Variants in PSMA1 observed in about 807,000 individuals in gnomAD.
The protein encoded by PSMA1 is proteasome 20S subunit alpha 1, also known as proteasome subunit alpha type-1.
Under a neutral mutation model 38.4 loss-of-function variants are expected in PSMA1, and 3 were observed. The ratio of observed to expected loss-of-function variants is 0.08; its 90% confidence interval spans 0.04 to 0.20. PSMA1 has a LOEUF of 0.20. Among genes scored for constraint, PSMA1 ranks in the 10% least tolerant of loss-of-function variants. The pLI, the probability that PSMA1 is intolerant of heterozygous loss-of-function variation, is 1.00. For missense variants in PSMA1, 227 were observed against 325.3 expected, an observed-to-expected ratio of 0.70 and a Z score of 2.32; for synonymous variants, 101 against 107.1, an observed-to-expected ratio of 0.94 and a Z score of 0.35.
intron 2 of PSMA1, among the ~76,000 whole-genome samples, chr11:14,584,728 A>G (rs929751645): frequency 6.6e-6 from 1 of 152,062 alleles, no homozygotes; most frequent in African/African-American, 2.4e-5. Context: ...TCCTGCTTTT[A>G]GTCCCGCAGT....
intron 5 of PSMA1, 128 bp from the exon 6 acceptor site, chr11:14,514,015 C>A: frequency 5.9e-6 from 8 of 1,361,140 alleles, no homozygotes; most frequent in Middle Eastern, 2.7e-4. Flanking sequence ...AGAAATAATG[C>A]AATAGGACAC....
At chr11:14,568,473 T>TGTG (rs1341409120) in intron 2 of PSMA1, among the ~76,000 whole-genome samples, 1 of 152,218 alleles carries the variant, frequency 6.6e-6, no homozygotes, top group Non-Finnish European at 1.5e-5. Flanking sequence ...CTTAAATACA[T>TGTG]GTGGCTGACA....
At chr11:14,518,040 T>C (rs1851463913) in intron 2 of PSMA1, 59 bp from the exon 3 acceptor site, 1 of 1,306,206 alleles carries the variant, frequency 7.7e-7, no homozygotes, top group Non-Finnish European at 1.1e-6. Flanking sequence ...AATTAAAAAT[T>C]AGGGTTTTCA....
intron 4 of PSMA1, 80 bp from the exon 5 acceptor site, chr11:14,514,571 A>C: frequency 9.0e-7 from 1 of 1,109,176 alleles, no homozygotes; most frequent in South Asian, 2.1e-5. Flanking sequence ...TTTCACTTCA[A>C]ATTCTTCCAA....
chr11:14,541,618 C>T (rs990473428), intron 2 of PSMA1, among the ~76,000 whole-genome samples: 5 of 152,192 alleles, frequency 3.3e-5, no homozygotes. Flanking sequence ...TCTTTTCCCC[C>T]ACATTCTTGA....
chr11:14,598,123 A>G (rs1852525502), intron 2 of PSMA1, among the ~76,000 whole-genome samples: 1 of 152,110 alleles, frequency 6.6e-6, no homozygotes, highest in Non-Finnish European at 1.5e-5. Context: ...ACAGTTTGTT[A>G]TAATTTCTGT....
At chr11:14,632,400 G>C (rs1169683487) in intron 1 of PSMA1, among the ~76,000 whole-genome samples, 1 of 145,942 alleles carries the variant, frequency 6.9e-6, no homozygotes, top group African/African-American at 2.6e-5. Context: ...TGTCTGTAAA[G>C]TATTTTATTT....
intron 2 of PSMA1, among the ~76,000 whole-genome samples, chr11:14,587,406 C>T (rs1406889043): frequency 1.3e-5 from 2 of 152,328 alleles, no homozygotes; most frequent in African/African-American, 4.8e-5. Flanking sequence ...ACAGCCAAGG[C>T]TTCTGGGCTC....
At chr11:14,547,970 G>T (rs1851844759) in intron 2 of PSMA1, among the ~76,000 whole-genome samples, 1 of 151,946 alleles carries the variant, frequency 6.6e-6, no homozygotes, top group Non-Finnish European at 1.5e-5. Flanking sequence ...ATGGAGATGA[G>T]CATCAGCTGC....
At chr11:14,525,428 T>C (rs1210536996) in intron 2 of PSMA1, among the ~76,000 whole-genome samples, 1 of 152,020 alleles carries the variant, frequency 6.6e-6, no homozygotes, top group Non-Finnish European at 1.5e-5. Context: ...CTAATCACCC[T>C]TACCCCGCTC....
Position 14,517,594 on chromosome 11 carries a change from AT to A in PSMA1, c.254+47del, listed in dbSNP as rs1431576237. On this transcript the variant is annotated intron_variant, in intron 4 of 9. Transcript: ENST00000396394. The stretch of plus-strand genomic sequence containing the variant: ...TATCTGGATCTTTTTGAGAAAACTA[AT>A]CAATTATGAAACAAAAAGGATGTTT... 2.1e-6 allele frequency: 3 copies of A among 1,400,744 alleles called. No individual in the cohort carries two copies. In the South Asian group the frequency reaches 4.0e-5, roughly 19 times the overall value. 86.8% of individuals were successfully genotyped at this position (1,400,744 alleles called of 1,614,324 possible). A position where few individuals can be genotyped will look rare whatever the true frequency, so the allele number is the denominator to read the frequency against.
intron 2 of PSMA1, among the ~76,000 whole-genome samples, chr11:14,546,859 C>G (rs1469500691): frequency 2.0e-5 from 3 of 152,188 alleles, no homozygotes; most frequent in Non-Finnish European, 4.4e-5. Context: ...GTGGGAGTAA[C>G]CTAGCTCAAA....
chr11:14,527,739 T>G (rs1171531074), intron 2 of PSMA1, among the ~76,000 whole-genome samples: 2 of 152,160 alleles, frequency 1.3e-5, no homozygotes, highest in Non-Finnish European at 2.9e-5. Context: ...TTTCATCCCT[T>G]CTGTCAGACA....
At chr11:14,533,711 C>G (rs1726433174) in intron 2 of PSMA1, among the ~76,000 whole-genome samples, 1 of 151,422 alleles carries the variant, frequency 6.6e-6, no homozygotes, top group Non-Finnish European at 1.5e-5. Flanking sequence ...AGCCACTGAG[C>G]TTGGCCCAGA....
chr11:14,589,328 GATATATATATATATGTGTGTGTGTAT>G (rs1425404580), intron 2 of PSMA1, among the ~76,000 whole-genome samples: 1 of 148,368 alleles, frequency 6.7e-6, no homozygotes, highest in Non-Finnish European at 1.5e-5. Context: ...CATTAGGGAA[GATATATATATATATGTGTGTGTGTAT>G]ATATATATAT....
chr11:14,636,939 T>C (rs1008362588), intron 1 of PSMA1, among the ~76,000 whole-genome samples: 1 of 152,240 alleles, frequency 6.6e-6, no homozygotes, highest in African/African-American at 2.4e-5. Flanking sequence ...TCTTAAACGA[T>C]TTTCCTAGCT....
At chr11:14,514,537 A>T (rs1471221178) in intron 4 of PSMA1, 46 bp from the exon 5 acceptor site, 1 of 1,347,466 alleles carries the variant, frequency 7.4e-7, no homozygotes, top group Non-Finnish European at 1.0e-6. Context: ...ATTATAGACA[A>T]CTATTCCAAT....
rs1441320973 is a variant in PSMA1, at chr11:14,534,997, C to A, written c.22-15956G>T. Reference sequence around the variant, plus strand: ...GCTGAGGCAGGAGAATTGCTTGAACCCAGGAGGCAGAGGTTGCAGTGGGCC... The same window carrying A: ...GCTGAGGCAGGAGAATTGCTTGAACACAGGAGGCAGAGGTTGCAGTGGGCC... On this transcript the variant is annotated intron_variant, in intron 2 of 10. Transcript: ENST00000418988. This position sits in a 1 kb window ranked among gnomAD's most constrained non-coding sequence, Gnocchi z 4.5. Among the ~76,000 whole-genome samples the A allele has an allele frequency of 2.0e-5, 3 of 152,074 alleles. No individual in the cohort carries two copies. Among genetic ancestry groups the A allele is most frequent in the Non-Finnish European group, 2.9e-5 (2 of 68,008 alleles).
At chr11:14,575,046 T>C (rs916670567) in intron 2 of PSMA1, among the ~76,000 whole-genome samples, 5 of 152,126 alleles carry the variant, frequency 3.3e-5, no homozygotes, top group South Asian at 2.1e-4. Context: ...AAAATGCTGA[T>C]AGTGATATGG....
Sources: allele counts gnomAD v4.1 joint callset (sites outside exome capture counted in the v4.1 genomes callset), GRCh38; gene constraint gnomAD v4.1.1; non-coding constraint Gnocchi (gnomAD v3.1); transcripts MANE v1.5; gene names NCBI Gene and HGNC (gene_info 2026-07-23, HGNC 2026-07-21).